ARSB: variants seen among roughly 807,000 people sequenced by gnomAD.
ARSB encodes N-acetylgalactosamine-4-sulfatase.
Under a neutral mutation model 50.9 loss-of-function variants are expected in ARSB, and 41 were observed. That is an observed-to-expected ratio of 0.81 (90% CI 0.63 to 1.04). The LOEUF is 1.04. Ranked by LOEUF, ARSB falls within the 50% of genes least tolerant of loss-of-function variation. The pLI, the probability that ARSB is intolerant of heterozygous loss-of-function variation, is 0.00. For missense variants in ARSB, 672 were observed against 693.3 expected, an observed-to-expected ratio of 0.97 and a Z score of 0.35; for synonymous variants, 269 against 284.8, an observed-to-expected ratio of 0.94 and a Z score of 0.56.
intron 5 of ARSB, among the ~76,000 whole-genome samples, chr5:78,868,203 G>T (rs1456427447): frequency 7.1e-6 from 1 of 140,692 alleles, no homozygotes. Flanking sequence ...ACCTGAAAGT[G>T]ATGCGGAGAA....
At chr5:78,841,156 C>CTAATAATAATAATAATAATAATAA (rs1491427657) in intron 5 of ARSB, among the ~76,000 whole-genome samples, 1 of 102,874 alleles carries the variant, frequency 9.7e-6, no homozygotes, top group African/African-American at 3.5e-5. Flanking sequence ...ACTACTACTA[C>CTAATAATAATAATAATAATAATAA]TACTACTACT....
At chr5:78,899,070 T>G (rs1419214366) in intron 4 of ARSB, among the ~76,000 whole-genome samples, 2 of 152,224 alleles carry the variant, frequency 1.3e-5, no homozygotes, top group Non-Finnish European at 2.9e-5. Flanking sequence ...ATAATTTTGC[T>G]GGATACAATA....
intron 4 of ARSB, among the ~76,000 whole-genome samples, chr5:78,890,474 C>T (rs575551500): frequency 6.6e-6 from 1 of 152,076 alleles, no homozygotes; most frequent in Non-Finnish European, 1.5e-5. Flanking sequence ...TTTGATTCTG[C>T]CAAGTCTACC....
chr5:78,899,143 T>C (rs1748695184), intron 4 of ARSB, among the ~76,000 whole-genome samples: 1 of 152,212 alleles, frequency 6.6e-6, no homozygotes, highest in African/African-American at 2.4e-5. Context: ...TTCCACTCCC[T>C]CCTGGCCTGT....
chr5:78,792,061 T>A (rs1382371848), intron 6 of ARSB, among the ~76,000 whole-genome samples: 1 of 151,824 alleles, frequency 6.6e-6, no homozygotes, highest in African/African-American at 2.4e-5. Context: ...AGAAAACTCA[T>A]AATGTTTTAA....
At chr5:78,968,147 C>T (rs1752281587) in intron 2 of ARSB, among the ~76,000 whole-genome samples, 1 of 151,416 alleles carries the variant, frequency 6.6e-6, no homozygotes, top group African/African-American at 2.4e-5. Context: ...TTTTTTAAAA[C>T]CTATCTTCCC....
At chr5:78,820,938 CA>C (rs1198227785) in intron 6 of ARSB, among the ~76,000 whole-genome samples, 24 of 133,078 alleles carry the variant, frequency 1.8e-4, no homozygotes, top group Non-Finnish European at 3.2e-4. Context: ...AAGTATGTGG[CA>C]AAAAAAAAAC....
At chr5:78,860,131 T>C (rs1746357190) in intron 5 of ARSB, among the ~76,000 whole-genome samples, 1 of 152,228 alleles carries the variant, frequency 6.6e-6, no homozygotes, top group Non-Finnish European at 1.5e-5. Flanking sequence ...TGTAGATGTC[T>C]ATTAGGTCCG....
chr5:78,861,605 A>G (rs1027802244), intron 5 of ARSB, among the ~76,000 whole-genome samples: 1 of 152,246 alleles, frequency 6.6e-6, no homozygotes, highest in African/African-American at 2.4e-5. Context: ...TATTGATGGG[A>G]CATATCTAAA....
intron 6 of ARSB, among the ~76,000 whole-genome samples, chr5:78,791,954 T>C (rs1194365552): frequency 6.6e-6 from 1 of 152,122 alleles, no homozygotes; most frequent in East Asian, 1.9e-4. Flanking sequence ...TCTGGCTTCC[T>C]TGAGCCACAC....
In ARSB at chr5:78,885,764, A is replaced by G. The variant is rs1554079320; in HGVS notation, c.962T>C (p.Leu321Pro). The G allele has an allele frequency of 6.2e-7, 1 of 1,614,056 alleles. No individual in the cohort carries two copies. Residue 321 changes from leucine to proline, a missense_variant, in exon 5 of 8, where the codon CTG becomes CCG. Physicochemically the swap from Leu to Pro is moderately conservative, Grantham distance 98 (BLOSUM62 -3). Coordinates refer to ENST00000264914, the MANE Select transcript of ARSB (RefSeq NM_000046.5). ...NWPLRGRKWS[L>P]WEGGVRGVGF... is the part of the protein sequence containing the mutation. ...CACCCCTCGGACGCCTCCTTCCCAC[A>G]GGCTCCATTTTCTTCCTCGAAGGGG... is the stretch of plus-strand genomic sequence containing the variant.
intron 4 of ARSB, among the ~76,000 whole-genome samples, chr5:78,919,777 A>C (rs1180759885): frequency 6.6e-6 from 1 of 152,186 alleles, no homozygotes; most frequent in Non-Finnish European, 1.5e-5. Flanking sequence ...CTGGGTTTAC[A>C]GGAGTGAGCC....
In ARSB at chr5:78,963,903, A is replaced by G. The variant is rs550046789; in HGVS notation, c.690+513T>C. Among the ~76,000 whole-genome samples the G allele has an allele frequency of 3.9e-5, 6 of 152,332 alleles. 1 individual carries two copies. In the South Asian group the frequency reaches 1.0e-3, roughly 26 times the overall value. ...CATGGAAATGCAAAAGATCTAGAATAGCAAAATATTCTTGTAGGGAGGAAG... is the reference window on the plus strand; with the variant it reads ...CATGGAAATGCAAAAGATCTAGAATGGCAAAATATTCTTGTAGGGAGGAAG... On this transcript the variant is annotated intron_variant, in intron 3 of 7. Transcript: ENST00000264914.
intron 6 of ARSB, among the ~76,000 whole-genome samples, chr5:78,807,869 G>A (rs12515760): frequency 0.068 from 10,341 of 151,804 alleles, 396 homozygotes; most frequent in East Asian, 0.084. Context: ...CGAGGCGGGC[G>A]GATCACGAGG....
At chr5:78,788,707 C>T (rs1749164054) in intron 6 of ARSB, among the ~76,000 whole-genome samples, 1 of 152,138 alleles carries the variant, frequency 6.6e-6, no homozygotes, top group Non-Finnish European at 1.5e-5. Context: ...CTCAAATGAT[C>T]CTCCTACCTC....
intron 4 of ARSB, among the ~76,000 whole-genome samples, chr5:78,928,429 C>T (rs1015567250): frequency 6.8e-6 from 1 of 146,716 alleles, no homozygotes; most frequent in Non-Finnish European, 1.5e-5. Context: ...GATTCTCCTG[C>T]CTCAGCCTCT....
chr5:78,841,168 C>CTACTACTACTAATAATAATAATAATAA (rs368030435), intron 5 of ARSB, among the ~76,000 whole-genome samples: 1,753 of 131,910 alleles, frequency 0.013, 20 homozygotes, highest in Non-Finnish European at 0.021. Context: ...ACTACTACTA[C>CTACTACTACTAATAATAATAATAATAA]TAATAATAAT....
In ARSB at chr5:78,955,317, G is replaced by A; in HGVS notation, c.876C>T (p.Asn292=). ...TACCTGTAGAAAAGATGAACACCGT[G>A]TTGTTCCAGAGCCCACTGCTTTTTA... ...AALKSSGLWN[N]TVFIFSTDNG... The change falls in exon 4 of 8, where the codon AAC becomes AAT. Residue 292 remains asparagine (N), a synonymous_variant. Transcript: ENST00000264914. 1 of 1,614,154 alleles carries A rather than the reference G, an allele frequency of 6.2e-7. No homozygotes were observed. The highest frequency in any genetic ancestry group is 8.5e-7 in the Non-Finnish European group (1 of 1,180,022).
At chr5:78,895,819 G>T (rs1748536202) in intron 4 of ARSB, among the ~76,000 whole-genome samples, 1 of 152,218 alleles carries the variant, frequency 6.6e-6, no homozygotes, top group Admixed American at 6.5e-5. Context: ...TGAGCTAATA[G>T]ATTTAGCTTA....
Sources: allele counts gnomAD v4.1 joint callset (sites outside exome capture counted in the v4.1 genomes callset), GRCh38; gene constraint gnomAD v4.1.1; transcripts MANE v1.5; gene names NCBI Gene and HGNC (gene_info 2026-07-23, HGNC 2026-07-21).